Variants in LRP1B observed in about 807,000 individuals in gnomAD.
LRP1B encodes the protein LDL receptor related protein 1B.
In LRP1B, 217 loss-of-function variants were observed where a neutral mutation model predicts 556.6. The observed-to-expected ratio is 0.39, with a 90% CI of 0.35 to 0.44. LRP1B has a LOEUF of 0.44. LRP1B is among the 20% of genes least tolerant of loss of function. The pLI is 1.00. For missense variants in LRP1B, 5,053 were observed against 5,620.8 expected (o/e 0.90, Z 3.23); for synonymous variants, 2,047 against 1,865.8 (o/e 1.10, Z -2.50).
chr2:140,355,381 G>T (rs1003242018), intron 75 of LRP1B, among the ~76,000 whole-genome samples: 1 of 151,926 alleles, frequency 6.6e-6, no homozygotes, highest in African/African-American at 2.4e-5. Context: ...AACCTAGGTT[G>T]TCATCTTTCA....
chr2:140,864,693 T>G (rs1395519226), intron 27 of LRP1B, among the ~76,000 whole-genome samples: 1 of 152,082 alleles, frequency 6.6e-6, no homozygotes, highest in Non-Finnish European at 1.5e-5. Flanking sequence ...TAATTAATAG[T>G]TGTATTTTAC....
intron 77 of LRP1B, among the ~76,000 whole-genome samples, chr2:140,346,539 T>C (rs1204382630): frequency 1.3e-5 from 2 of 151,934 alleles, no homozygotes; most frequent in South Asian, 4.1e-4. Flanking sequence ...TCATAATAAA[T>C]GATTGTAGTT....
At chr2:140,914,052 T>C (rs1183289956) in intron 21 of LRP1B, among the ~76,000 whole-genome samples, 1 of 152,098 alleles carries the variant, frequency 6.6e-6, no homozygotes, top group Non-Finnish European at 1.5e-5. Context: ...GTTAAGAAAA[T>C]TGAGACACTT....
chr2:141,895,629 T>A (rs2381168), intron 1 of LRP1B, among the ~76,000 whole-genome samples: 131,632 of 152,132 alleles, frequency 0.87, 57,105 homozygotes, highest in East Asian at 1. Flanking sequence ...TTGGTTATTT[T>A]ACTTTGAGGA....
intron 58 of LRP1B, among the ~76,000 whole-genome samples, chr2:140,485,944 T>C (rs1429323532): frequency 6.6e-6 from 1 of 151,564 alleles, no homozygotes; most frequent in African/African-American, 2.4e-5. Flanking sequence ...CATTCCTCAC[T>C]CTCTCTACTG....
chr2:140,250,207 C>T (rs1400372287), intron 86 of LRP1B, among the ~76,000 whole-genome samples: 1 of 151,790 alleles, frequency 6.6e-6, no homozygotes, highest in Non-Finnish European at 1.5e-5. Context: ...GTTAAAATTG[C>T]AGACGTTTCC....
chr2:141,312,270 A>G (rs982225434), intron 3 of LRP1B, among the ~76,000 whole-genome samples: 18 of 152,096 alleles, frequency 1.2e-4, no homozygotes, highest in Non-Finnish European at 2.2e-4. Flanking sequence ...AACCTACTCA[A>G]TGTGAAGATG....
Position 141,144,706 on chromosome 2 carries a change from T to G in LRP1B, c.1013+43715A>C, listed in dbSNP as rs74381350. Among the ~76,000 whole-genome samples the G allele has an allele frequency of 6.0e-3, 910 of 152,216 alleles. 8 individuals carry two copies. The highest frequency in any genetic ancestry group is 0.02 in the African/African-American group (833 of 41,530). On this transcript the variant is annotated intron_variant, in intron 7 of 90. Transcript: ENST00000389484. ...TAAAAGTACCATCAGGCACAAAAAT[T>G]ATTAGAAGCACCGCAAGGCACCATC...
intron 3 of LRP1B, among the ~76,000 whole-genome samples, chr2:141,465,408 T>C (rs1182528346): frequency 6.6e-6 from 1 of 152,140 alleles, no homozygotes; most frequent in African/African-American, 2.4e-5. Flanking sequence ...TACATCAGTA[T>C]CTTCTTTTCT....
At chr2:140,778,781 A>C (rs1321364258) in intron 32 of LRP1B, among the ~76,000 whole-genome samples, 2 of 152,118 alleles carry the variant, frequency 1.3e-5, no homozygotes, top group Non-Finnish European at 2.9e-5. Flanking sequence ...AATCCTCTCT[A>C]TTCTAATGCC....
At chr2:140,265,088 G>T (rs1682138205) in intron 86 of LRP1B, among the ~76,000 whole-genome samples, 1 of 150,422 alleles carries the variant, frequency 6.6e-6, no homozygotes, top group Admixed American at 6.6e-5. Context: ...TAATGCTGGG[G>T]ATGTAAGTTT....
intron 3 of LRP1B, among the ~76,000 whole-genome samples, chr2:141,339,098 T>C (rs181717617): frequency 1.3e-5 from 2 of 152,234 alleles, no homozygotes; most frequent in East Asian, 3.9e-4. Context: ...TCATGCTACT[T>C]TCCAGAATAT....
At chr2:141,329,991 A>T (rs577267503) in intron 3 of LRP1B, among the ~76,000 whole-genome samples, 15 of 105,814 alleles carry the variant, frequency 1.4e-4, no homozygotes, top group African/African-American at 5.8e-4. Flanking sequence ...CTACAAACTG[A>T]CTATTATAGA....
At chr2:140,527,816 C>G (rs1044666523) in intron 47 of LRP1B, among the ~76,000 whole-genome samples, 41 of 151,682 alleles carry the variant, frequency 2.7e-4, no homozygotes, top group Admixed American at 2.4e-3. Context: ...AATCATTTAC[C>G]TTTTGTTTTT....
At chr2:141,442,323 C>T (rs4508543) in intron 3 of LRP1B, among the ~76,000 whole-genome samples, 117,991 of 151,936 alleles carry the variant, frequency 0.78, 46,030 homozygotes, top group East Asian at 0.92. Flanking sequence ...AAAAGATTTA[C>T]TTTTATAGTA....
chr2:140,766,872 T>A (rs1283624430), intron 35 of LRP1B, among the ~76,000 whole-genome samples: 1 of 143,092 alleles, frequency 7.0e-6, no homozygotes, highest in Non-Finnish European at 1.5e-5. Context: ...ATATAATATA[T>A]ATAACATATG....
chr2:141,279,771 T>G (rs1304938640), intron 3 of LRP1B, among the ~76,000 whole-genome samples: 1 of 152,080 alleles, frequency 6.6e-6, no homozygotes, highest in Admixed American at 6.5e-5. Context: ...GCAGCACTAA[T>G]TTTTGGAGGG....
intron 27 of LRP1B, among the ~76,000 whole-genome samples, chr2:140,862,755 G>A (rs955944171): frequency 2.0e-5 from 3 of 152,172 alleles, no homozygotes; most frequent in African/African-American, 7.2e-5. Flanking sequence ...ATTTCTGGGT[G>A]TGTTTCTGGA....
chr2:141,660,256 C>T (rs1013951078), intron 2 of LRP1B, among the ~76,000 whole-genome samples: 24 of 152,108 alleles, frequency 1.6e-4, no homozygotes, highest in Non-Finnish European at 2.6e-4. Context: ...CCAAGGGAGG[C>T]GGTGAGTGAC....
Sources: allele counts gnomAD v4.1 joint callset (sites outside exome capture counted in the v4.1 genomes callset), GRCh38; gene constraint gnomAD v4.1.1; transcripts MANE v1.5; gene names NCBI Gene and HGNC (gene_info 2026-07-23, HGNC 2026-07-21).